SPAG16: variants seen among roughly 807,000 people sequenced by gnomAD.
SPAG16 encodes the protein sperm-associated antigen 16 protein.
In SPAG16, 86 loss-of-function variants were observed where a neutral mutation model predicts 80.4. That is an observed-to-expected ratio of 1.07 (90% CI 0.90 to 1.28). The LOEUF (loss-of-function observed/expected upper bound fraction) is 1.28. SPAG16 is among the 50% of genes most tolerant of loss of function. The probability of loss-of-function intolerance (pLI) is 0.00; values close to 1 mark genes in which losing one functional copy is unlikely to be tolerated. For synonymous variants in SPAG16, 294 were observed against 265.9 expected, an observed-to-expected ratio of 1.11 and a Z score of -1.03; for missense variants, 870 against 765.3, an observed-to-expected ratio of 1.14 and a Z score of -1.61.
At chr2:213,640,058 ATC>A (rs759878796) in intron 10 of SPAG16, among the ~76,000 whole-genome samples, 8 of 151,836 alleles carry the variant, frequency 5.3e-5, no homozygotes, top group Non-Finnish European at 8.8e-5. Context: ...TTTTGTATTT[ATC>A]TAAGTGTGTC....
chr2:213,336,277 G>A (rs1364548996), intron 5 of SPAG16, among the ~76,000 whole-genome samples: 1 of 152,196 alleles, frequency 6.6e-6, no homozygotes, highest in East Asian at 1.9e-4. Flanking sequence ...TGGGTGGCTG[G>A]CCATTTCAGC....
chr2:214,092,527 CTTTATCTG>C (rs2052290318), intron 13 of SPAG16, among the ~76,000 whole-genome samples: 1 of 148,926 alleles, frequency 6.7e-6, no homozygotes, highest in Non-Finnish European at 1.5e-5. Flanking sequence ...ATATATGGCC[CTTTATCTG>C]TTTATCTGTC....
intron 11 of SPAG16, among the ~76,000 whole-genome samples, chr2:213,876,807 C>T (rs538258649): frequency 1.6e-4 from 25 of 152,242 alleles, no homozygotes; most frequent in African/African-American, 5.3e-4. Context: ...TCTGTCTCTC[C>T]ATAATTTCAG....
intron 10 of SPAG16, among the ~76,000 whole-genome samples, chr2:213,747,049 C>T (rs2067858521): frequency 6.6e-6 from 1 of 152,138 alleles, no homozygotes; most frequent in Non-Finnish European, 1.5e-5. Flanking sequence ...CATGTTATTG[C>T]CCCCAAAGAC....
chr2:213,815,518 A>C (rs1391921676), intron 10 of SPAG16, among the ~76,000 whole-genome samples: 1 of 152,154 alleles, frequency 6.6e-6, no homozygotes, highest in African/African-American at 2.4e-5. Context: ...CTTTGAGTTC[A>C]AATTCTCCAA....
At chr2:214,145,068 A>G (rs558474293) in intron 14 of SPAG16, among the ~76,000 whole-genome samples, 23 of 152,236 alleles carry the variant, frequency 1.5e-4, no homozygotes, top group African/African-American at 5.1e-4. Flanking sequence ...ATGCCATAAG[A>G]TATGTTTATA....
intron 15 of SPAG16, among the ~76,000 whole-genome samples, chr2:214,343,605 T>C (rs1344407375): frequency 6.6e-6 from 1 of 152,146 alleles, no homozygotes; most frequent in Non-Finnish European, 1.5e-5. Context: ...ATTACACTAT[T>C]ATCCCTAGCA....
intron 15 of SPAG16, among the ~76,000 whole-genome samples, chr2:214,221,931 T>C (rs1243476073): frequency 6.6e-6 from 1 of 151,920 alleles, no homozygotes; most frequent in Non-Finnish European, 1.5e-5. Flanking sequence ...ATTGGTAAAC[T>C]GCCAATTGAA....
intron 15 of SPAG16, among the ~76,000 whole-genome samples, chr2:214,299,711 G>T (rs528036628): frequency 6.6e-6 from 1 of 152,130 alleles, no homozygotes; most frequent in Non-Finnish European, 1.5e-5. Context: ...GCTCTTTTAA[G>T]TTGGCTTTGC....
chr2:213,782,290 T>G (rs932912699), intron 10 of SPAG16, among the ~76,000 whole-genome samples: 2 of 151,972 alleles, frequency 1.3e-5, no homozygotes, highest in African/African-American at 4.8e-5. Flanking sequence ...AGATAATTAA[T>G]AAAAACATTG....
chr2:214,099,886 C>T (rs970825949), intron 13 of SPAG16, among the ~76,000 whole-genome samples: 1 of 151,988 alleles, frequency 6.6e-6, no homozygotes, highest in African/African-American at 2.4e-5. Flanking sequence ...GATATATACA[C>T]AGATAAAAAT....
intron 10 of SPAG16, among the ~76,000 whole-genome samples, chr2:213,636,053 G>T (rs1260851966): frequency 6.6e-6 from 1 of 152,114 alleles, no homozygotes; most frequent in Non-Finnish European, 1.5e-5. Flanking sequence ...TTTTTCCAAT[G>T]TTGTCTTCTG....
chr2:213,736,443 A>G (rs1473999311), intron 10 of SPAG16, among the ~76,000 whole-genome samples: 1 of 151,858 alleles, frequency 6.6e-6, no homozygotes, highest in Non-Finnish European at 1.5e-5. Context: ...ACCCACCACC[A>G]CACCCGGCTA....
chr2:213,953,865 A>G (rs2043983159), intron 12 of SPAG16, among the ~76,000 whole-genome samples: 1 of 152,070 alleles, frequency 6.6e-6, no homozygotes, highest in Non-Finnish European at 1.5e-5. Flanking sequence ...ATTGTATGCA[A>G]TGATGAAGAA....
intron 12 of SPAG16, among the ~76,000 whole-genome samples, chr2:214,002,170 G>T (rs973269369): frequency 3.9e-5 from 6 of 152,116 alleles, no homozygotes; most frequent in Non-Finnish European, 7.4e-5. Flanking sequence ...GGAATTATGG[G>T]AACTCCAATT....
intron 15 of SPAG16, among the ~76,000 whole-genome samples, chr2:214,408,964 T>C (rs1702151752): frequency 6.6e-6 from 1 of 151,726 alleles, no homozygotes; most frequent in Non-Finnish European, 1.5e-5. Context: ...AGATAAATAG[T>C]ACTATTTAAA....
At chr2:213,748,372 A>G (rs1426490243) in intron 10 of SPAG16, among the ~76,000 whole-genome samples, 1 of 152,130 alleles carries the variant, frequency 6.6e-6, no homozygotes, top group East Asian at 1.9e-4. Flanking sequence ...CACAAATAGG[A>G]GTATATACAT....
intron 14 of SPAG16, among the ~76,000 whole-genome samples, chr2:214,145,654 T>A (rs1232333925): frequency 6.6e-6 from 1 of 152,174 alleles, no homozygotes; most frequent in African/African-American, 2.4e-5. Flanking sequence ...TCAGGAGTGG[T>A]GACTATTCAT....
intron 9 of SPAG16, among the ~76,000 whole-genome samples, chr2:213,420,466 T>C (rs1424170061): frequency 6.6e-6 from 1 of 152,228 alleles, no homozygotes; most frequent in African/African-American, 2.4e-5. Flanking sequence ...TCACAAGTAG[T>C]GTTATTGTAA....
Sources: gnomAD v4.1 joint callset for allele counts (sites outside exome capture counted in the v4.1 genomes callset) on GRCh38, gnomAD v4.1.1 for gene constraint, MANE v1.5 for transcripts, NCBI Gene and HGNC (gene_info 2026-07-23, HGNC 2026-07-21) for gene names.